Variants in XPOT observed in about 807,000 individuals in gnomAD.
The protein encoded by XPOT is exportin for tRNA.
In XPOT, 34 loss-of-function variants were observed where a neutral mutation model predicts 128.2. That is an observed-to-expected ratio of 0.27 (90% CI 0.20 to 0.35). XPOT has a LOEUF of 0.35. Among genes scored for constraint, XPOT ranks in the 10% least tolerant of loss-of-function variants. XPOT has a pLI of 1.00. For synonymous variants in XPOT, 348 were observed against 394.3 expected, an observed-to-expected ratio of 0.88 and a Z score of 1.39; for missense variants, 838 against 1,125.3, an observed-to-expected ratio of 0.74 and a Z score of 3.65.
At chr12:64,443,447 GTTTT>G (rs1241677594) in intron 23 of XPOT, 2 of 152,030 alleles carry the variant, frequency 1.3e-5, no homozygotes, top group Non-Finnish European at 2.9e-5. Context: ...TTTCAATGGT[GTTTT>G]TTTGTTTTTT....
At chr12:64,407,365 A>C (rs1037405396) in intron 1 of XPOT, among the ~76,000 whole-genome samples, 6 of 152,020 alleles carry the variant, frequency 3.9e-5, no homozygotes, top group African/African-American at 1.2e-4. Flanking sequence ...TCACCCCTGT[A>C]ATCTCAGCTA....
Position 64,435,636 on chromosome 12 carries a change from G to A in XPOT, c.2695G>A (p.Glu899Lys). 6.3e-7 allele frequency: 1 copy of A among 1,597,376 alleles called. No individual in the cohort carries two copies. Among genetic ancestry groups the A allele is most frequent in the Non-Finnish European group, 8.5e-7 (1 of 1,170,322 alleles). The change falls in exon 22 of 25, where the codon GAG (glutamate) becomes AAG (lysine). Residue 899 changes from glutamate (E) to lysine (K), a missense_variant. Physicochemically the swap from Glu to Lys is moderately conservative, Grantham distance 56. Around this residue, in one of 3 missense-constraint regions of XPOT, gnomAD observed 56 missense variants for 79.2 expected, o/e 0.71. Transcript: ENST00000332707. ...ADAQTVLALS[E>K]CAVTLKTIHL... ...AACTTGTTTTTCACAGGCTTTATCT[G>A]AGTGTGCAGTGACACTGAAAACAAT...
At chr12:64,427,312 G>C (rs1355784689) in intron 15 of XPOT, among the ~76,000 whole-genome samples, 9 of 151,766 alleles carry the variant, frequency 5.9e-5, no homozygotes, top group African/African-American at 2.2e-4. Context: ...GTAGAGATGG[G>C]GCTTCACCAT....
chr12:64,446,073 T>G (rs1468134817), intron 24 of XPOT, among the ~76,000 whole-genome samples: 1 of 152,182 alleles, frequency 6.6e-6, no homozygotes, highest in Non-Finnish European at 1.5e-5. Flanking sequence ...TGTTTTTGTT[T>G]ATCATTGGGA....
intron 22 of XPOT, 134 bp from the exon 23 acceptor site, chr12:64,439,110 C>T: frequency 1.4e-6 from 1 of 732,628 alleles, no homozygotes; most frequent in Admixed American, 2.6e-5. Context: ...CAAACCAAGG[C>T]AGTCTGGCTC....
intron 2 of XPOT, among the ~76,000 whole-genome samples, chr12:64,413,561 G>T (rs2040059781): frequency 6.6e-6 from 1 of 152,266 alleles, no homozygotes; most frequent in Admixed American, 6.5e-5. Context: ...ATTATATTTG[G>T]TGATCTTCAC....
rs1158666942 is a variant in XPOT, at chr12:64,434,502, C to T, written c.2453-5C>T. The T allele has an allele frequency of 1.2e-6, 2 of 1,602,396 alleles. No individual in the cohort carries two copies. The highest frequency in any genetic ancestry group is 1.3e-5 in the African/African-American group (1 of 74,652). On this transcript the variant is annotated splice_region_variant and splice_polypyrimidine_tract_variant and intron_variant, in intron 19 of 24. Coordinates refer to ENST00000332707, the MANE Select transcript of XPOT (RefSeq NM_007235.6). ...ATTGCTTAAACTAAAGGTTTTTCTCCTCAGGTGCAGAGAATGTAGAAAGAG... is the reference window on the plus strand; with the variant it reads ...ATTGCTTAAACTAAAGGTTTTTCTCTTCAGGTGCAGAGAATGTAGAAAGAG...
intron 1 of XPOT, chr12:64,409,621 G>A (rs1166837209): frequency 6.3e-6 from 1 of 158,964 alleles, no homozygotes; most frequent in Non-Finnish European, 1.4e-5. Flanking sequence ...TGTAGTCCCA[G>A]CTACTCGGGA....
rs12814505 is a variant in XPOT, at chr12:64,422,888, G to A, written c.1081-117G>A. 6.7e-4 allele frequency: 666 copies of A among 989,462 alleles called. No homozygotes were observed. The African/African-American group carries it at 0.011, about 16-fold the overall frequency. 61.3% of individuals were successfully genotyped at this position (989,462 alleles called of 1,614,324 possible). On this transcript the variant is annotated intron_variant, in intron 9 of 24. Transcript: ENST00000332707. ...ACTGCACTCCAGCCTGGGCAACAGA[G>A]CAAGACCTTGTCTCAAAAAAAAAAA...
chr12:64,421,715 T>A (rs76195794), intron 9 of XPOT, among the ~76,000 whole-genome samples: 2 of 152,096 alleles, frequency 1.3e-5, no homozygotes, highest in South Asian at 2.1e-4. Context: ...TTTTTTTTTT[T>A]ATTTTGAACC....
In XPOT at chr12:64,434,850, G is replaced by T; in HGVS notation, c.2626G>T (p.Ala876Ser). ...TTTTGTTTATAAGCACATTGTCCCC[G>T]CATGTTTCCTAGCACCTTTAAAACA... ...ADFVYKHIVP[A>S]CFLAPLKQTF... The change falls in exon 21 of 25, where the codon GCA (alanine) becomes TCA (serine). Residue 876 changes from alanine (A) to serine (S), a missense_variant. Coordinates refer to ENST00000332707, the MANE Select transcript of XPOT (RefSeq NM_007235.6). The T allele has an allele frequency of 1.9e-6, 3 of 1,612,172 alleles. No individual in the cohort carries two copies. The highest frequency in any genetic ancestry group is 1.7e-6 in the Non-Finnish European group (2 of 1,179,976).
chr12:64,418,745 GA>G, intron 5 of XPOT, 130 bp from the exon 6 acceptor site: 1 of 678,294 alleles, frequency 1.5e-6, no homozygotes, highest in South Asian at 2.0e-5. Flanking sequence ...TAATTTTGAA[GA>G]GTATTTGTTG....
chr12:64,425,168 G>C lies in XPOT; in HGVS notation c.1438G>C (p.Asp480His), dbSNP rs1394698511. The C allele has an allele frequency of 1.9e-6, 3 of 1,614,050 alleles. No homozygotes were observed. Among genetic ancestry groups the C allele is most frequent in the Non-Finnish European group, 2.5e-6 (3 of 1,179,986 alleles). Residue 480 changes from aspartate (D) to histidine (H), a missense_variant, in exon 13 of 25, where the codon GAT becomes CAT. Physicochemically the swap from Asp to His is moderately conservative, Grantham distance 81 (BLOSUM62 -1). This residue lies in a region of XPOT where 761 missense variants were observed against 988.3 expected (regional missense o/e 0.77). Coordinates refer to ENST00000332707, the MANE Select transcript of XPOT (RefSeq NM_007235.6). ...GDVSKASALQ[D>H]MMRTLVTSGV... ...TGTTTCAAAAGCTAGTGCTTTGCAG[G>C]ATATGATGCGAACTGTAAGTATACT...
rs749367252 is a variant in XPOT at position 64,430,226 on chromosome 12, C to G, written c.1915C>G (p.Gln639Glu). 3 of 1,612,372 alleles carry G rather than the reference C, an allele frequency of 1.9e-6. No homozygotes were observed. The Admixed American group carries it at 5.0e-5, about 27-fold the overall frequency. The change falls in exon 17 of 25, where the codon CAA becomes GAA. Residue 639 changes from glutamine to glutamate, a missense_variant. This residue lies in a region of XPOT where 761 missense variants were observed against 988.3 expected (regional missense o/e 0.77). Coordinates refer to ENST00000332707, the MANE Select transcript of XPOT (RefSeq NM_007235.6). ...KILLEKLMLA[Q>E]DEERQASLAD... ...TCTGTTAGAAAAGTTGATGCTGGCA[C>G]AAGATGAAGAAAGGCAAGCCTCTCT...
chr12:64,444,817 T>TA (rs999283024), intron 23 of XPOT, among the ~76,000 whole-genome samples: 9 of 151,868 alleles, frequency 5.9e-5, no homozygotes, highest in African/African-American at 1.9e-4. Context: ...ACAGCTTTTT[T>TA]AAAAAAAGAG....
chr12:64,449,830 G>A lies in XPOT; in HGVS notation c.*1699G>A, dbSNP rs990912134. On this transcript the variant is annotated 3_prime_UTR_variant, in exon 25 of 25. Transcript: ENST00000332707. ...TGCAGCTATTGCAATAGTAGTAATT[G>A]TTAAATGGATACTAATGAATAGCAT... 1.3e-5 allele frequency: 2 copies of A among 152,222 alleles called. No homozygotes were observed. Among genetic ancestry groups the A allele is most frequent in the Non-Finnish European group, 2.9e-5 (2 of 68,046 alleles). The allele number at this position is 152,222 out of a possible 1,614,324, so 9.4% of individuals were successfully genotyped here. A position where few individuals can be genotyped will look rare whatever the true frequency, so the allele number is the denominator to read the frequency against.
At position 64,406,694 on chromosome 12, in the gene XPOT, C is replaced by A. The variant is rs550066753; in HGVS notation, c.-75+1890C>A. Reference sequence around the variant, plus strand: ...CCTGGCCAGCATTTTTTTAAAAAGCCATAGCAAATTCAAGGAAGCTTTTAT... The same window carrying A: ...CCTGGCCAGCATTTTTTTAAAAAGCAATAGCAAATTCAAGGAAGCTTTTAT... On this transcript the variant is annotated intron_variant, in intron 1 of 24. Coordinates refer to ENST00000332707, the MANE Select transcript of XPOT (RefSeq NM_007235.6). Among the ~76,000 whole-genome samples the A allele has an allele frequency of 2.0e-5, 3 of 152,194 alleles. No individual in the cohort carries two copies. In the South Asian group the frequency reaches 6.2e-4, roughly 32 times the overall value.
intron 17 of XPOT, among the ~76,000 whole-genome samples, chr12:64,430,654 T>C (rs1208801156): frequency 6.6e-6 from 1 of 152,174 alleles, no homozygotes; most frequent in Non-Finnish European, 1.5e-5. Flanking sequence ...TTGTATTGTG[T>C]CCTGAAGATC....
chr12:64,447,345 G>C (rs1306420717), intron 24 of XPOT, among the ~76,000 whole-genome samples: 1 of 152,226 alleles, frequency 6.6e-6, no homozygotes, highest in Non-Finnish European at 1.5e-5. Flanking sequence ...GCCATGCCTA[G>C]CACAGCCTCT....
Sources: allele counts gnomAD v4.1 joint callset (sites outside exome capture counted in the v4.1 genomes callset), GRCh38; gene constraint gnomAD v4.1.1; regional missense constraint gnomAD v4.1.1; transcripts MANE v1.5; gene names NCBI Gene and HGNC (gene_info 2026-07-23, HGNC 2026-07-21).